Variants in FARS2 observed in about 807,000 individuals in gnomAD.
The protein encoded by FARS2 is phenylalanine--tRNA ligase, mitochondrial.
Under a neutral mutation model 46.4 loss-of-function variants are expected in FARS2, and 40 were observed. The ratio of observed to expected loss-of-function variants is 0.86; its 90% confidence interval spans 0.67 to 1.12. The LOEUF is 1.12. Among genes scored for constraint, FARS2 ranks in the 50% most tolerant of loss-of-function variants. FARS2 has a pLI of 0.00. For missense variants in FARS2, 513 were observed against 567.9 expected (o/e 0.90, Z 0.98); for synonymous variants, 234 against 214.9 (o/e 1.09, Z -0.78).
chr6:5,481,075 C>T (rs1363946956), intron 4 of FARS2, among the ~76,000 whole-genome samples: 1 of 152,240 alleles, frequency 6.6e-6, no homozygotes, highest in East Asian at 1.9e-4. Flanking sequence ...CAGGAAAAGG[C>T]AGTGAGTCCT....
chr6:5,350,959 C>T (rs1386256371), intron 1 of FARS2, among the ~76,000 whole-genome samples: 2 of 152,166 alleles, frequency 1.3e-5, no homozygotes, highest in Non-Finnish European at 2.9e-5. Context: ...ACATACTCAT[C>T]ATTTAGTAAG....
chr6:5,590,666 A>G (rs1161362717), intron 5 of FARS2, among the ~76,000 whole-genome samples: 1 of 152,202 alleles, frequency 6.6e-6, no homozygotes, highest in African/African-American at 2.4e-5. Flanking sequence ...TCATCCCAGT[A>G]GACTTTATAT....
chr6:5,479,353 T>C (rs1766310931), intron 4 of FARS2, among the ~76,000 whole-genome samples: 1 of 152,188 alleles, frequency 6.6e-6, no homozygotes, highest in African/African-American at 2.4e-5. Flanking sequence ...GATACCACAG[T>C]GGGAGAGGCA....
chr6:5,432,017 T>C (rs114356562), intron 4 of FARS2, among the ~76,000 whole-genome samples: 4,469 of 151,394 alleles, frequency 0.03, 95 homozygotes, highest in African/African-American at 0.055. Flanking sequence ...TTTAATATAA[T>C]TTAATTAATT....
Position 5,743,688 on chromosome 6 carries a change from G to A in FARS2, c.1218-27603G>A, listed in dbSNP as rs188910416. Among the ~76,000 whole-genome samples, 10 of 152,352 alleles carry A rather than the reference G, an allele frequency of 6.6e-5. No individual in the cohort carries two copies. In the South Asian group the frequency reaches 8.3e-4, roughly 13 times the overall value. ...GGGTGGCTTCATAAGGGAGCACATT[G>A]TTGGTAGACACCACTGTCTGGAGGA... On this transcript the variant is annotated intron_variant, in intron 6 of 6. Coordinates refer to ENST00000274680, the MANE Select transcript of FARS2 (RefSeq NM_006567.5).
chr6:5,432,649 C>G (rs1763294130), intron 4 of FARS2, among the ~76,000 whole-genome samples: 1 of 149,544 alleles, frequency 6.7e-6, no homozygotes. Flanking sequence ...GTGGATTGTT[C>G]AGGAAACCTT....
intron 5 of FARS2, among the ~76,000 whole-genome samples, chr6:5,607,881 A>G (rs1208195924): frequency 6.6e-6 from 1 of 152,152 alleles, no homozygotes; most frequent in African/African-American, 2.4e-5. Context: ...GAAGATTAGA[A>G]TAATACAATA....
At position 5,368,576 on chromosome 6, in the gene FARS2, G is replaced by A. The variant is rs772379847; in HGVS notation, c.6G>A (p.Val2=). The A allele has an allele frequency of 1.2e-6, 2 of 1,606,188 alleles. No individual in the cohort carries two copies. The highest frequency in any genetic ancestry group is 2.7e-5 in the African/African-American group (2 of 74,734). The change falls in exon 2 of 7, where the codon GTG becomes GTA. Residue 2 remains valine, a synonymous_variant. Transcript: ENST00000274680. ...ACCTGTGAGAAGTTTCTACAATGGT[G>A]GGCTCAGCTCTCAGGAGAGGTGCCC... M[V]GSALRRGAHA... is the part of the protein sequence containing the mutation.
At position 5,556,099 on chromosome 6, in the gene FARS2, GA is replaced by G. The variant is rs1004309438; in HGVS notation, c.1065+10764del. Among the ~76,000 whole-genome samples, 4 of 152,080 alleles carry G rather than the reference GA, an allele frequency of 2.6e-5. 1 individual carries two copies. The highest frequency in any genetic ancestry group is 9.7e-5 in the African/African-American group (4 of 41,354). ...ATGAAATGGATGATAGCGGGTACTGGAAAAACTATTGCATCCTACAGTCTAT... is the reference window on the plus strand; with the variant it reads ...ATGAAATGGATGATAGCGGGTACTGGAAAACTATTGCATCCTACAGTCTAT... On this transcript the variant is annotated intron_variant, in intron 5 of 6. Coordinates refer to ENST00000274680, the MANE Select transcript of FARS2 (RefSeq NM_006567.5).
intron 1 of FARS2, among the ~76,000 whole-genome samples, chr6:5,318,543 C>T (rs1335836446): frequency 6.6e-5 from 10 of 152,050 alleles, no homozygotes; most frequent in Admixed American, 5.9e-4. Context: ...GGTAGTTGTC[C>T]AGATTCTTGG....
chr6:5,545,092 T>C (rs997173990), intron 4 of FARS2, 88 bp from the exon 5 acceptor site: 2 of 1,290,454 alleles, frequency 1.5e-6, no homozygotes, highest in Non-Finnish European at 2.2e-6. Context: ...GGCATCTAAT[T>C]AGTGTCACTG....
At chr6:5,728,254 GCCTAATA>G (rs1183111288) in intron 6 of FARS2, among the ~76,000 whole-genome samples, 1 of 152,262 alleles carries the variant, frequency 6.6e-6, no homozygotes, top group East Asian at 1.9e-4. Context: ...TTTCAAAATA[GCCTAATA>G]GCTGGGAATG....
In FARS2 at chr6:5,736,516, A is replaced by T. The variant is rs570099698; in HGVS notation, c.1218-34775A>T. On this transcript the variant is annotated intron_variant, in intron 6 of 6. Transcript: ENST00000274680. ...TGCCTCTAAAAAGACCAGCGCAAATAGGGCAAGCAGCCCTTCAGAATAAGG... is the reference window on the plus strand; with the variant it reads ...TGCCTCTAAAAAGACCAGCGCAAATTGGGCAAGCAGCCCTTCAGAATAAGG... Among the ~76,000 whole-genome samples, 427 of 152,346 alleles carry T rather than the reference A, an allele frequency of 2.8e-3. 1 individual carries two copies. Among genetic ancestry groups the T allele is most frequent in the Non-Finnish European group, 4.6e-3 (312 of 68,030 alleles).
At chr6:5,340,332 C>T (rs1217916165) in intron 1 of FARS2, among the ~76,000 whole-genome samples, 1 of 152,096 alleles carries the variant, frequency 6.6e-6, no homozygotes, top group East Asian at 1.9e-4. Context: ...AGGATGCGTG[C>T]GTATACCCTA....
chr6:5,414,624 T>C (rs982616619), intron 3 of FARS2, among the ~76,000 whole-genome samples: 1 of 152,226 alleles, frequency 6.6e-6, no homozygotes, highest in Non-Finnish European at 1.5e-5. Context: ...GGTATTACAT[T>C]GTATTGATAT....
intron 6 of FARS2, among the ~76,000 whole-genome samples, chr6:5,678,272 A>G (rs936922604): frequency 1.3e-5 from 2 of 152,162 alleles, no homozygotes; most frequent in African/African-American, 4.8e-5. Context: ...AGCCAAGACT[A>G]TTTTGTAGAC....
chr6:5,387,196 G>T (rs1285558593), intron 2 of FARS2, among the ~76,000 whole-genome samples: 2 of 152,140 alleles, frequency 1.3e-5, no homozygotes, highest in African/African-American at 4.8e-5. Flanking sequence ...CCTTTGGAGA[G>T]ATTACTGGTA....
In FARS2 at chr6:5,368,690, G is replaced by C; in HGVS notation, c.120G>C (p.Glu40Asp). Reference protein sequence around the residue: ...QAWGSRPPAAECATQRAPGSV... With the variant: ...QAWGSRPPAADCATQRAPGSV... ...GGGGATCGAGGCCTCCTGCAGCAGA[G>C]TGTGCCACCCAAAGAGCTCCAGGCA... The change falls in exon 2 of 7, where the codon GAG becomes GAC. Residue 40 changes from glutamate to aspartate, a missense_variant. Physicochemically the swap from Glu to Asp is conservative, Grantham distance 45. Coordinates refer to ENST00000274680, the MANE Select transcript of FARS2 (RefSeq NM_006567.5). 1 of 1,614,200 alleles carries C rather than the reference G, an allele frequency of 6.2e-7. No individual in the cohort carries two copies. Among genetic ancestry groups the C allele is most frequent in the Non-Finnish European group, 8.5e-7 (1 of 1,180,040 alleles).
chr6:5,649,685 G>C (rs546811838), intron 6 of FARS2, among the ~76,000 whole-genome samples: 24 of 152,196 alleles, frequency 1.6e-4, no homozygotes, highest in Non-Finnish European at 3.2e-4. Flanking sequence ...CCAAGGCTTA[G>C]AGAACTGAGT....
Sources: gnomAD v4.1 joint callset for allele counts (sites outside exome capture counted in the v4.1 genomes callset) on GRCh38, gnomAD v4.1.1 for gene constraint, MANE v1.5 for transcripts, NCBI Gene and HGNC (gene_info 2026-07-23, HGNC 2026-07-21) for gene names.